NSUN3: variants seen among roughly 807,000 people sequenced by gnomAD.
NSUN3 encodes NOP2/Sun RNA methyltransferase 3.
NSUN3 carries 24 observed loss-of-function variants against 36.8 expected under a neutral mutation model. The observed-to-expected ratio is 0.65, with a 90% CI of 0.47 to 0.92. The LOEUF (loss-of-function observed/expected upper bound fraction) is 0.92, where lower values mean the gene tolerates loss of function less well. Ranked by LOEUF, NSUN3 falls within the 40% of genes least tolerant of loss-of-function variation. The pLI is 0.00. For synonymous variants in NSUN3, 146 were observed against 145.2 expected, an observed-to-expected ratio of 1.01 and a Z score of -0.04; for missense variants, 381 against 392.8, an observed-to-expected ratio of 0.97 and a Z score of 0.25.
intron 2 of NSUN3, among the ~76,000 whole-genome samples, chr3:94,074,941 TTGTCATAAATAG>T (rs2077240367): frequency 6.6e-6 from 1 of 152,122 alleles, no homozygotes; most frequent in Admixed American, 6.6e-5. Flanking sequence ...GGCTGTGAGT[TTGTCATAAATAG>T]CTCTTATTAT....
intron 3 of NSUN3, among the ~76,000 whole-genome samples, chr3:94,092,944 A>AAG: frequency 6.7e-6 from 1 of 149,288 alleles, no homozygotes; most frequent in Non-Finnish European, 1.5e-5. Flanking sequence ...AAAAAAAAAA[A>AAG]AGAAAAGAAA....
Position 94,126,391 on chromosome 3 carries a change from C to G in NSUN3, c.924C>G (p.Gly308=). Residue 308 remains glycine (G), a synonymous_variant, in exon 6 of 6, where the codon GGC becomes GGG. Coordinates refer to ENST00000314622, the MANE Select transcript of NSUN3 (RefSeq NM_022072.5). ...CSHDFTFAPT[G]QECGLLVIPD... is the part of the protein sequence containing the mutation. ...ACGACTTCACATTTGCTCCCACTGGCCAGGAATGTGGGCTCTTAGTGATTC... is the reference window on the plus strand; with the variant it reads ...ACGACTTCACATTTGCTCCCACTGGGCAGGAATGTGGGCTCTTAGTGATTC... The G allele has an allele frequency of 2.5e-6, 4 of 1,614,056 alleles. No homozygotes were observed. The highest frequency in any genetic ancestry group is 2.5e-6 in the Non-Finnish European group (3 of 1,179,982).
At chr3:94,095,176 G>T in intron 5 of NSUN3, 22 bp downstream of exon 5, 6 of 1,606,676 alleles carry the variant, frequency 3.7e-6, no homozygotes, top group Non-Finnish European at 5.1e-6. Flanking sequence ...TAATACAAAA[G>T]TGTATTTTGG....
chr3:94,095,147 C>T lies in NSUN3; in HGVS notation c.736C>T (p.Leu246=), dbSNP rs756145876. 6.1e-5 allele frequency: 99 copies of T among 1,613,262 alleles called. No individual in the cohort carries two copies. The highest frequency in any genetic ancestry group is 7.5e-5 in the Non-Finnish European group (89 of 1,179,534). Residue 246 remains leucine, a synonymous_variant, in exon 5 of 6, where the codon CTG becomes TTG. Coordinates refer to ENST00000314622, the MANE Select transcript of NSUN3 (RefSeq NM_022072.5). ...RRNLPLLQIE[L]LRSAIKALRP... The stretch of plus-strand genomic sequence containing the variant: ...GAATTTGCCTCTTCTACAGATAGAG[C>T]TGTTAAGGTAAGGACTGTTAATACA...
rs74900622 is a variant in NSUN3, at chr3:94,126,873, G to A, written c.*383G>A. The A allele has an allele frequency of 3.5e-4, 56 of 159,164 alleles. No homozygotes were observed. The highest frequency in any genetic ancestry group is 2.0e-3 in the East Asian group (11 of 5,454). 9.9% of individuals were successfully genotyped at this position (159,164 alleles called of 1,614,324 possible). ...TTTCCAGCGCTCCGACCATTTTCCC[G>A]CTTATCAAATGTACAAATTTGTTCA... is the stretch of plus-strand genomic sequence containing the variant. On this transcript the variant is annotated 3_prime_UTR_variant, in exon 6 of 6. Coordinates refer to ENST00000314622, the MANE Select transcript of NSUN3 (RefSeq NM_022072.5).
chr3:94,071,490 A>G (rs2077224655), intron 2 of NSUN3, among the ~76,000 whole-genome samples: 1 of 152,220 alleles, frequency 6.6e-6, no homozygotes, highest in South Asian at 2.1e-4. Flanking sequence ...AATCATTATG[A>G]TATTTAGTTT....
chr3:94,126,109 C>G, intron 5 of NSUN3, 102 bp from the exon 6 acceptor site: 1 of 904,640 alleles, frequency 1.1e-6, no homozygotes, highest in Middle Eastern at 2.7e-4. Flanking sequence ...CAGTCTAAGT[C>G]AGAGTAAGGT....
At chr3:94,074,673 G>A (rs1228618625) in intron 2 of NSUN3, among the ~76,000 whole-genome samples, 2 of 152,188 alleles carry the variant, frequency 1.3e-5, no homozygotes, top group Non-Finnish European at 2.9e-5. Flanking sequence ...AGATTTTGCT[G>A]AAGTTGCTTA....
rs188758174 is a variant in NSUN3, at chr3:94,106,000, A to C, written c.743+10846A>C. On this transcript the variant is annotated intron_variant, in intron 5 of 5. Transcript: ENST00000314622. The stretch of plus-strand genomic sequence containing the variant: ...GTCACTCTTTGCTCACCTAAGCAAC[A>C]CAAAATGAGATCCTTATGTTCAATT... Among the ~76,000 whole-genome samples, 222 of 152,254 alleles carry C rather than the reference A, an allele frequency of 1.5e-3. 1 individual carries two copies. In the Middle Eastern group the frequency reaches 0.027, roughly 19 times the overall value.
chr3:94,110,001 T>C (rs1294215209), intron 5 of NSUN3, among the ~76,000 whole-genome samples: 1 of 152,196 alleles, frequency 6.6e-6, no homozygotes, highest in African/African-American at 2.4e-5. Flanking sequence ...TGTACTCTTT[T>C]ATCTGGAATT....
intron 3 of NSUN3, among the ~76,000 whole-genome samples, chr3:94,087,111 A>G (rs1020636445): frequency 6.6e-6 from 1 of 152,208 alleles, no homozygotes; most frequent in Non-Finnish European, 1.5e-5. Flanking sequence ...ATCAAGGGCA[A>G]TGAACTACAG....
At chr3:94,063,401 C>G (rs1228068702) in intron 1 of NSUN3, 6 of 499,842 alleles carry the variant, frequency 1.2e-5, no homozygotes, top group Non-Finnish European at 2.2e-5. Flanking sequence ...TGTGTCACAG[C>G]GGTATCCCGG....
At chr3:94,120,914 A>G (rs1477797595) in intron 5 of NSUN3, among the ~76,000 whole-genome samples, 2 of 152,202 alleles carry the variant, frequency 1.3e-5, no homozygotes, top group Non-Finnish European at 2.9e-5. Flanking sequence ...TCTTATACCT[A>G]TTGCTATAGT....
At chr3:94,077,786 C>A (rs2077252793) in intron 2 of NSUN3, among the ~76,000 whole-genome samples, 1 of 152,048 alleles carries the variant, frequency 6.6e-6, no homozygotes, top group Non-Finnish European at 1.5e-5. Context: ...CTGGTGATAT[C>A]CCCTATATTA....
At chr3:94,118,817 C>CAAAGTAA in intron 5 of NSUN3, among the ~76,000 whole-genome samples, 1 of 151,840 alleles carries the variant, frequency 6.6e-6, no homozygotes, top group South Asian at 2.1e-4. Flanking sequence ...TGGTCAGTAC[C>CAAAGTAA]ACAGCTTTGC....
At chr3:94,072,741 A>G (rs891664252) in intron 2 of NSUN3, among the ~76,000 whole-genome samples, 1 of 152,114 alleles carries the variant, frequency 6.6e-6, no homozygotes, top group African/African-American at 2.4e-5. Context: ...TTGTCTAGTC[A>G]CTAAAGAATG....
rs1197504498 is a variant in NSUN3 at position 94,129,900 on chromosome 3, C to G, written c.*3410C>G. Among the ~76,000 whole-genome samples the G allele has an allele frequency of 3.3e-5, 5 of 151,448 alleles. No individual in the cohort carries two copies. The highest frequency in any genetic ancestry group is 1.2e-4 in the African/African-American group (5 of 41,246). On this transcript the variant is annotated 3_prime_UTR_variant, in exon 6 of 6. Coordinates refer to ENST00000314622, the MANE Select transcript of NSUN3 (RefSeq NM_022072.5). ...CCCAAGTAACTGAGATCACAGGCAC[C>G]CGCCACCATGCTTGGCTAATTTTTT...
At chr3:94,089,745 G>A (rs556889522) in intron 3 of NSUN3, among the ~76,000 whole-genome samples, 2 of 152,310 alleles carry the variant, frequency 1.3e-5, no homozygotes, top group South Asian at 4.1e-4. Flanking sequence ...GACCTCCAGA[G>A]TACTCGCTTG....
rs78718391 is a variant in NSUN3 at position 94,064,523 on chromosome 3, C to T, written c.99C>T (p.Leu33=). 4,379 of 1,607,096 alleles carry T rather than the reference C, an allele frequency of 2.7e-3. 15 individuals are homozygous for T. The highest frequency in any genetic ancestry group is 3.3e-3 in the Non-Finnish European group (3,879 of 1,173,708). ...DHFEKQYSKE[L]GDAWNTVREI... ...TTGAAAAACAGTATTCCAAAGAACT[C>T]GGAGATGCCTGGAATACAGTAAGGT... Residue 33 remains leucine, a synonymous_variant, in exon 2 of 6, where the codon CTC becomes CTT. Coordinates refer to ENST00000314622, the MANE Select transcript of NSUN3 (RefSeq NM_022072.5).
Sources: allele counts gnomAD v4.1 joint callset (sites outside exome capture counted in the v4.1 genomes callset), GRCh38; gene constraint gnomAD v4.1.1; transcripts MANE v1.5; gene names NCBI Gene and HGNC (gene_info 2026-07-23, HGNC 2026-07-21).